CIP2A: variants seen among roughly 807,000 people sequenced by gnomAD.
CIP2A encodes the protein cellular inhibitor of PP2A, also known as protein CIP2A.
A neutral mutation model predicts 110.9 loss-of-function variants in CIP2A; 103 were observed. The observed-to-expected ratio is 0.93, with a 90% confidence interval of 0.79 to 1.09. The LOEUF (loss-of-function observed/expected upper bound fraction) is 1.09, where lower values mean the gene tolerates loss of function less well. Among genes scored for constraint, CIP2A ranks in the 50% least tolerant of loss-of-function variants. CIP2A has a pLI of 0.00. For missense variants in CIP2A, 1,088 were observed against 1,038.4 expected, an observed-to-expected ratio of 1.05 and a Z score of -0.66; for synonymous variants, 381 against 361.6, an observed-to-expected ratio of 1.05 and a Z score of -0.61.
At chr3:108,564,979 C>T (rs1206466568) in intron 12 of CIP2A, among the ~76,000 whole-genome samples, 3 of 151,772 alleles carry the variant, frequency 2.0e-5, no homozygotes, top group Admixed American at 2.0e-4. Flanking sequence ...GTCTCCCTAT[C>T]CCCTTAATAC....
intron 15 of CIP2A, 36 bp downstream of exon 15, chr3:108,559,918 G>A: frequency 6.3e-7 from 1 of 1,576,364 alleles, no homozygotes; most frequent in South Asian, 1.1e-5. Flanking sequence ...ATCTATTAAA[G>A]CTTATTACAC....
In CIP2A at chr3:108,587,335, C is replaced by G. The variant is rs192355118; in HGVS notation, c.102+1939G>C. Among the ~76,000 whole-genome samples the G allele has an allele frequency of 3.9e-3, 595 of 152,124 alleles. 1 individual carries two copies. The highest frequency in any genetic ancestry group is 5.3e-3 in the Non-Finnish European group (361 of 67,990). ...TACACTTATACAATAGAATTCTACA[C>G]ATCAATAATAAAAAAAATGAAGTAG... is the stretch of plus-strand genomic sequence containing the variant. On this transcript the variant is annotated intron_variant, in intron 1 of 20. Transcript: ENST00000295746.
At chr3:108,574,121 T>C (rs562775445) in intron 8 of CIP2A, among the ~76,000 whole-genome samples, 57 of 152,242 alleles carry the variant, frequency 3.7e-4, no homozygotes, top group Non-Finnish European at 4.9e-4. Flanking sequence ...AATATTTGCA[T>C]GTTATATACC....
rs536015103 is a variant in CIP2A at position 108,569,276 on chromosome 3, A to G, written c.1113+113T>C. 4 of 755,536 alleles carry G rather than the reference A, an allele frequency of 5.3e-6. No individual in the cohort carries two copies. In the East Asian group the frequency reaches 1.1e-4, roughly 21 times the overall value. The allele number at this position is 755,536 out of a possible 1,614,324, so 46.8% of individuals were successfully genotyped here. On this transcript the variant is annotated intron_variant, in intron 9 of 20. Coordinates refer to ENST00000295746, the MANE Select transcript of CIP2A (RefSeq NM_020890.3). ...AGTCTAGTATGACTGTTAGTAATTG[A>G]GATGTTTTCCTCAAGTGTATGAACT...
intron 1 of CIP2A, among the ~76,000 whole-genome samples, chr3:108,588,696 C>CTAGAA (rs1396619165): frequency 6.6e-6 from 1 of 151,866 alleles, no homozygotes; most frequent in Non-Finnish European, 1.5e-5. Context: ...ACACATATCA[C>CTAGAA]TAGAATAGAA....
At chr3:108,553,974 C>T (rs942466179) in intron 18 of CIP2A, among the ~76,000 whole-genome samples, 1 of 150,250 alleles carries the variant, frequency 6.7e-6, no homozygotes. Flanking sequence ...GTGCTCACTG[C>T]AACCTCTGCC....
At chr3:108,588,204 C>T (rs1446565620) in intron 1 of CIP2A, among the ~76,000 whole-genome samples, 5 of 152,104 alleles carry the variant, frequency 3.3e-5, no homozygotes, top group African/African-American at 9.7e-5. Context: ...GCTTCTGGAG[C>T]CTATGCTAAT....
chr3:108,588,733 T>C (rs1045991406), intron 1 of CIP2A, among the ~76,000 whole-genome samples: 2 of 152,186 alleles, frequency 1.3e-5, no homozygotes, highest in Non-Finnish European at 2.9e-5. Context: ...ATTCTAAGAT[T>C]AAAAAACTGT....
chr3:108,575,350 A>G (rs544096872), intron 8 of CIP2A, among the ~76,000 whole-genome samples: 2 of 149,638 alleles, frequency 1.3e-5, no homozygotes, highest in Admixed American at 1.3e-4. Context: ...ACATATACAC[A>G]CATGTGTATA....
At chr3:108,556,746 C>T (rs1187084080) in intron 17 of CIP2A, among the ~76,000 whole-genome samples, 2 of 152,124 alleles carry the variant, frequency 1.3e-5, no homozygotes, top group Non-Finnish European at 2.9e-5. Flanking sequence ...ACACTTACAC[C>T]TAAATTTCCA....
chr3:108,576,944 T>G (rs1938674508), intron 7 of CIP2A, among the ~76,000 whole-genome samples: 1 of 152,096 alleles, frequency 6.6e-6, no homozygotes, highest in Admixed American at 6.5e-5. Flanking sequence ...TAATATAAAA[T>G]ACAATGCTAT....
Position 108,557,673 on chromosome 3 carries a change from T to A in CIP2A, c.2014-259A>T, listed in dbSNP as rs552745593. The stretch of plus-strand genomic sequence containing the variant: ...GGAAATGGATACAACTGCAGCAACA[T>A]GAAGGTCGCGCTACATACAGTATTC... On this transcript the variant is annotated intron_variant, in intron 16 of 20. Transcript: ENST00000295746. 1.7e-3 allele frequency among the ~76,000 whole-genome samples: 263 copies of A among 152,180 alleles called. 3 individuals carry two copies. Among genetic ancestry groups the A allele is most frequent in the Middle Eastern group, 3.4e-3 (1 of 294 alleles).
intron 1 of CIP2A, among the ~76,000 whole-genome samples, chr3:108,588,697 T>C (rs945060414): frequency 2.0e-5 from 3 of 152,046 alleles, no homozygotes; most frequent in African/African-American, 7.2e-5. Context: ...CACATATCAC[T>C]AGAATAGAAA....
chr3:108,557,200 A>T lies in CIP2A; in HGVS notation c.2210+18T>A. 6.6e-7 allele frequency: 1 copy of T among 1,505,528 alleles called. No homozygotes were observed. Among genetic ancestry groups the T allele is most frequent in the Non-Finnish European group, 9.1e-7 (1 of 1,103,518 alleles). The allele number at this position is 1,505,528 out of a possible 1,614,324, so 93.3% of individuals were successfully genotyped here. A position where few individuals can be genotyped will look rare whatever the true frequency, so the allele number is the denominator to read the frequency against. ...ATTCTAGGTTCTAACCTTACACAGA[A>T]GATTTTACTTTATTTACCTCTGAAG... On this transcript the variant is annotated intron_variant, in intron 17 of 20. Transcript: ENST00000295746.
chr3:108,568,588 A>G (rs1245255286), intron 9 of CIP2A, among the ~76,000 whole-genome samples: 2 of 152,046 alleles, frequency 1.3e-5, no homozygotes, highest in Non-Finnish European at 1.5e-5. Context: ...ATTCTAAACT[A>G]AAAGTATCTA....
chr3:108,563,621 AG>A lies in CIP2A; in HGVS notation c.1516-378del, dbSNP rs1275463820. Among the ~76,000 whole-genome samples, 3 of 152,216 alleles carry A rather than the reference AG, an allele frequency of 2.0e-5. No individual in the cohort carries two copies. In the East Asian group the frequency reaches 5.8e-4, roughly 29 times the overall value. ...AAAATGGCCAATCACTTCCAAATTAAGGCTATAAAATAAAAAGTAAAATTCA... is the reference window on the plus strand; with the variant it reads ...AAAATGGCCAATCACTTCCAAATTAAGCTATAAAATAAAAAGTAAAATTCA... On this transcript the variant is annotated intron_variant, in intron 12 of 20. Transcript: ENST00000295746.
chr3:108,574,375 A>C (rs1473807661), intron 8 of CIP2A, among the ~76,000 whole-genome samples: 3 of 152,232 alleles, frequency 2.0e-5, no homozygotes, highest in Non-Finnish European at 4.4e-5. Flanking sequence ...ATGCAGACTG[A>C]CCAAATATTC....
At chr3:108,556,215 G>A (rs956904634) in intron 17 of CIP2A, among the ~76,000 whole-genome samples, 13 of 152,022 alleles carry the variant, frequency 8.6e-5, no homozygotes, top group African/African-American at 3.1e-4. Context: ...CATTATTATT[G>A]ATGGGAAATA....
At chr3:108,581,834 G>A (rs1399212070) in intron 4 of CIP2A, among the ~76,000 whole-genome samples, 1 of 151,860 alleles carries the variant, frequency 6.6e-6, no homozygotes, top group Non-Finnish European at 1.5e-5. Context: ...ATTTTTTTCT[G>A]GCCAAATCAA....
Sources: allele counts gnomAD v4.1 joint callset (sites outside exome capture counted in the v4.1 genomes callset), GRCh38; gene constraint gnomAD v4.1.1; transcripts MANE v1.5; gene names NCBI Gene and HGNC (gene_info 2026-07-23, HGNC 2026-07-21).